The following MAJIN variants were observed in gnomAD, a reference collection of about 807,000 sequenced individuals.
MAJIN encodes membrane-anchored junction protein.
In MAJIN, 27 loss-of-function variants were observed where a neutral mutation model predicts 30.2. The ratio of observed to expected loss-of-function variants is 0.89; its 90% CI spans 0.66 to 1.23. The LOEUF (loss-of-function observed/expected upper bound fraction) is 1.23, where lower values mean the gene tolerates loss of function less well. MAJIN is among the 50% of genes most tolerant of loss of function. The pLI, the probability that MAJIN is intolerant of heterozygous loss-of-function variation, is 0.00. For missense variants in MAJIN, 253 were observed against 260.3 expected, an observed-to-expected ratio of 0.97 and a Z score of 0.19; for synonymous variants, 78 against 91.6, an observed-to-expected ratio of 0.85 and a Z score of 0.85.
intron 10 of MAJIN, 139 bp downstream of exon 10, chr11:64,939,522 AT>A (rs1945340905): frequency 1.4e-6 from 1 of 720,048 alleles, no homozygotes; most frequent in African/African-American, 1.8e-5. Context: ...TCTTAATCTC[AT>A]TTCCATCATC....
intron 8 of MAJIN, among the ~76,000 whole-genome samples, chr11:64,941,383 T>C (rs1945376663): frequency 6.6e-6 from 1 of 152,108 alleles, no homozygotes; most frequent in Non-Finnish European, 1.5e-5. Context: ...TGGCCGGGCA[T>C]GGTGACTCAT....
At chr11:64,954,905 C>T in intron 3 of MAJIN, 103 bp from the exon 4 acceptor site, 2 of 1,029,934 alleles carry the variant, frequency 1.9e-6, no homozygotes, top group Non-Finnish European at 2.8e-6. Context: ...GCTAAAGAAA[C>T]ATGACATAAG....
chr11:64,940,836 T>TTTTTC (rs1945365692), intron 8 of MAJIN, among the ~76,000 whole-genome samples, 190 bp from the exon 9 acceptor site: 2 of 38,388 alleles, frequency 5.2e-5, no homozygotes, highest in African/African-American at 5.8e-4. Flanking sequence ...TTTTTCTTTC[T>TTTTTC]TTTTTTTTTT....
Position 64,938,353 on chromosome 11 carries a change from A to C in MAJIN, c.*222T>G, listed in dbSNP as rs1319194444. On this transcript the variant is annotated 3_prime_UTR_variant, in exon 11 of 11. Transcript: ENST00000301896. ...TTCTTAATGTTTTAAATTGGGGGAA[A>C]AAATCTATTATAAAGGGGCAAAGGA... The C allele has an allele frequency of 3.0e-6, 2 of 661,298 alleles. No homozygotes were observed. The highest frequency in any genetic ancestry group is 4.9e-6 in the Non-Finnish European group (2 of 404,852). 41.0% of individuals were successfully genotyped at this position (661,298 alleles called of 1,614,324 possible). A position where few individuals can be genotyped will look rare whatever the true frequency, so the allele number is the denominator to read the frequency against.
chr11:64,962,380 T>C (rs1945741239), intron 1 of MAJIN, among the ~76,000 whole-genome samples: 1 of 152,216 alleles, frequency 6.6e-6, no homozygotes, highest in South Asian at 2.1e-4. Context: ...ATAGGAGTAA[T>C]GGTTCAAATA....
chr11:64,954,908 G>T, intron 3 of MAJIN, 106 bp from the exon 4 acceptor site: 1 of 1,010,598 alleles, frequency 9.9e-7, no homozygotes, highest in South Asian at 1.6e-5. Context: ...AAAGAAACAT[G>T]ACATAAGTAA....
rs1403939432 is a variant in MAJIN, at chr11:64,959,318, C to T, written c.88G>A (p.Gly30Arg). The change falls in exon 3 of 11, where the codon GGG (glycine) becomes AGG (arginine). Residue 30 changes from glycine (G) to arginine (R), a missense_variant. Gly to Arg is a moderately radical substitution (Grantham distance 125). Coordinates refer to ENST00000301896, the MANE Select transcript of MAJIN (RefSeq NM_001037225.3). ...CTTTGAAATTACCTGATACTCTTCC[C>T]ATATCTGATTTTGAATTTATACACA... is the stretch of plus-strand genomic sequence containing the variant. ...PNVYKFKIRY[G>R]KSIRGEEIEN... 6.2e-7 allele frequency: 1 copy of T among 1,612,596 alleles called. No homozygotes were observed. Among genetic ancestry groups the T allele is most frequent in the African/African-American group, 1.3e-5 (1 of 74,966 alleles).
At position 64,939,726 on chromosome 11, in the gene MAJIN, G is replaced by T; in HGVS notation, c.588C>A (p.His196Gln). 1.2e-6 allele frequency: 2 copies of T among 1,614,102 alleles called. No individual in the cohort carries two copies. The highest frequency in any genetic ancestry group is 1.7e-6 in the Non-Finnish European group (2 of 1,179,980). Residue 196 changes from histidine (H) to glutamine (Q), a missense_variant, in exon 10 of 11, where the codon CAC (histidine) becomes CAA (glutamine). Transcript: ENST00000301896. The part of the protein sequence containing the change: ...GDTACQGELS[H>Q]PCSTTHLHLR... ...GGTGGAGGTGAGTTGTGCTGCAGGG[G>T]TGGGACAATTCGCCCTGGCAGGCTG...
At chr11:64,960,900 A>C (rs1945710761) in intron 1 of MAJIN, among the ~76,000 whole-genome samples, 1 of 152,224 alleles carries the variant, frequency 6.6e-6, no homozygotes, top group Non-Finnish European at 1.5e-5. Flanking sequence ...GTGGAGCCAG[A>C]GCCCATGAGA....
At chr11:64,970,745 T>C (rs928560174) in intron 1 of MAJIN, among the ~76,000 whole-genome samples, 1 of 152,192 alleles carries the variant, frequency 6.6e-6, no homozygotes, top group African/African-American at 2.4e-5. Context: ...GGCATCTTTC[T>C]GCCCACTTGC....
chr11:64,946,110 G>C (rs1023360119), intron 8 of MAJIN: 1 of 1,535,204 alleles, frequency 6.5e-7, no homozygotes, highest in Admixed American at 2.0e-5. Context: ...TCCACAGGGG[G>C]CTTCTTTTTG....
intron 1 of MAJIN, among the ~76,000 whole-genome samples, chr11:64,968,705 G>A (rs963526108): frequency 3.7e-4 from 56 of 151,842 alleles, no homozygotes; most frequent in African/African-American, 1.3e-3. Flanking sequence ...GGTGGCGGGT[G>A]CCTGTAGTCC....
chr11:64,952,752 T>C (rs1945573351), intron 4 of MAJIN, among the ~76,000 whole-genome samples: 2 of 152,096 alleles, frequency 1.3e-5, no homozygotes, highest in African/African-American at 2.4e-5. Context: ...TTGCCCAGGC[T>C]GGAGTGCAGT....
At chr11:64,955,279 A>G (rs1216466753) in intron 3 of MAJIN, among the ~76,000 whole-genome samples, 1 of 148,044 alleles carries the variant, frequency 6.8e-6, no homozygotes, top group East Asian at 2.0e-4. Flanking sequence ...GCTGCATAGG[A>G]AAAAAAAAAA....
chr11:64,946,371 G>A (rs1945452145), intron 8 of MAJIN, among the ~76,000 whole-genome samples: 1 of 152,304 alleles, frequency 6.6e-6, no homozygotes, highest in Middle Eastern at 3.4e-3. Context: ...GTTTGAGAAA[G>A]TGAAAATGTG....
At position 64,938,253 on chromosome 11, in the gene MAJIN, G is replaced by A. The variant is rs1396542676; in HGVS notation, c.*322C>T. On this transcript the variant is annotated 3_prime_UTR_variant, in exon 11 of 11. Coordinates refer to ENST00000301896, the MANE Select transcript of MAJIN (RefSeq NM_001037225.3). The stretch of plus-strand genomic sequence containing the variant: ...AATAACTCTTCATAAATAATTTATT[G>A]TCATTAGGATCCTAAGTGCCGAAGA... 1 of 386,226 alleles carries A rather than the reference G, an allele frequency of 2.6e-6. No individual in the cohort carries two copies. Among genetic ancestry groups the A allele is most frequent in the Non-Finnish European group, 4.8e-6 (1 of 207,750 alleles). 23.9% of individuals were successfully genotyped at this position (386,226 alleles called of 1,614,324 possible).
Position 64,938,467 on chromosome 11 carries a change from G to T in MAJIN, c.*108C>A. 6.7e-7 allele frequency: 1 copy of T among 1,486,618 alleles called. No homozygotes were observed. The highest frequency in any genetic ancestry group is 1.2e-5 in the South Asian group (1 of 83,014). 92.1% of individuals were successfully genotyped at this position (1,486,618 alleles called of 1,614,324 possible). A position where few individuals can be genotyped will look rare whatever the true frequency, so the allele number is the denominator to read the frequency against. On this transcript the variant is annotated 3_prime_UTR_variant, in exon 11 of 11. Coordinates refer to ENST00000301896, the MANE Select transcript of MAJIN (RefSeq NM_001037225.3). The stretch of plus-strand genomic sequence containing the variant: ...AAAAGGATAGAGTTGGAGGAAGAAT[G>T]GCTCGGGAGGAGTCACTACAAGAGA...
At chr11:64,964,103 C>T (rs1367787990) in intron 1 of MAJIN, among the ~76,000 whole-genome samples, 1 of 152,092 alleles carries the variant, frequency 6.6e-6, no homozygotes, top group Non-Finnish European at 1.5e-5. Context: ...ACCATCACAC[C>T]TAAATTTTGT....
chr11:64,939,713 T>C lies in MAJIN; in HGVS notation c.601A>G (p.Thr201Ala). 6.2e-7 allele frequency: 1 copy of C among 1,613,974 alleles called. No homozygotes were observed. The highest frequency in any genetic ancestry group is 8.5e-7 in the Non-Finnish European group (1 of 1,179,968). Residue 201 changes from threonine (T) to alanine (A), a missense_variant, in exon 10 of 11, where the codon ACT (threonine) becomes GCT (alanine). Physicochemically the swap from Thr to Ala is moderately conservative, Grantham distance 58 (BLOSUM62 0). Transcript: ENST00000301896. ...TGCTCGCTCCTTAGGTGGAGGTGAG[T>C]TGTGCTGCAGGGGTGGGACAATTCG... ...QGELSHPCST[T>A]HLHLRSEQPP...
Sources: allele counts gnomAD v4.1 joint callset (sites outside exome capture counted in the v4.1 genomes callset), GRCh38; gene constraint gnomAD v4.1.1; transcripts MANE v1.5; gene names NCBI Gene and HGNC (gene_info 2026-07-23, HGNC 2026-07-21).